Variants in SLC24A2 observed in about 807,000 individuals in gnomAD.
SLC24A2 encodes sodium/potassium/calcium exchanger 2.
Under a neutral mutation model 62.0 loss-of-function variants are expected in SLC24A2, and 36 were observed. That is an observed-to-expected ratio of 0.58 (90% CI 0.44 to 0.77). The LOEUF is 0.77. Ranked by LOEUF, SLC24A2 falls within the 30% of genes least tolerant of loss-of-function variation. The pLI is 0.00. For synonymous variants in SLC24A2, 358 were observed against 294.0 expected (o/e 1.22, Z -2.23); for missense variants, 846 against 817.9 (o/e 1.03, Z -0.42).
At chr9:19,610,123 G>A (rs1014968523) in intron 4 of SLC24A2, among the ~76,000 whole-genome samples, 1 of 152,116 alleles carries the variant, frequency 6.6e-6, no homozygotes, top group African/African-American at 2.4e-5. Context: ...TTCTTAAGGT[G>A]TCTAGTGCAT....
chr9:20,018,690 G>A, the SLC24A2 span, among the ~76,000 whole-genome samples: 1 of 152,024 alleles, frequency 6.6e-6, no homozygotes. Context: ...CTACACACCA[G>A]GCACTATGTA....
chr9:19,569,341 G>C (rs185062941), intron 7 of SLC24A2, among the ~76,000 whole-genome samples: 1 of 152,132 alleles, frequency 6.6e-6, no homozygotes, highest in Non-Finnish European at 1.5e-5. Context: ...ACCTCCCTTT[G>C]TCTAGTAATT....
the SLC24A2 span, among the ~76,000 whole-genome samples, chr9:20,132,513 ATTATAAG>A: frequency 6.6e-6 from 1 of 152,260 alleles, no homozygotes; most frequent in African/African-American, 2.4e-5. Flanking sequence ...CATGGGTCAC[ATTATAAG>A]TGTTTTAACC....
At chr9:20,051,966 C>G in the SLC24A2 span, among the ~76,000 whole-genome samples, 1 of 151,976 alleles carries the variant, frequency 6.6e-6, no homozygotes, top group Admixed American at 6.6e-5. Flanking sequence ...ATAATTGTTT[C>G]TAGCTCGCAG....
At chr9:20,173,931 A>G in the SLC24A2 span, among the ~76,000 whole-genome samples, 2 of 152,084 alleles carry the variant, frequency 1.3e-5, no homozygotes, top group Admixed American at 6.6e-5. Context: ...GAGGCATCAC[A>G]TTATGTAATT....
chr9:19,921,214 A>T, the SLC24A2 span, among the ~76,000 whole-genome samples: 4 of 151,926 alleles, frequency 2.6e-5, no homozygotes, highest in Non-Finnish European at 5.9e-5. Flanking sequence ...TAGTTTTACT[A>T]TCTTCACTAA....
intron 2 of SLC24A2, among the ~76,000 whole-genome samples, chr9:19,653,693 T>C (rs963867339): frequency 6.6e-6 from 1 of 152,224 alleles, no homozygotes; most frequent in Admixed American, 6.5e-5. Flanking sequence ...GTCATTCATC[T>C]ATCATCTTTG....
the SLC24A2 span, among the ~76,000 whole-genome samples, chr9:20,117,542 T>C: frequency 1.3e-5 from 2 of 152,124 alleles, no homozygotes; most frequent in Admixed American, 1.3e-4. Context: ...GTGTCTAATA[T>C]AAATGCTTTT....
the SLC24A2 span, among the ~76,000 whole-genome samples, chr9:20,174,131 T>C: frequency 2.0e-5 from 3 of 151,986 alleles, no homozygotes; most frequent in Non-Finnish European, 2.9e-5. Flanking sequence ...TGATGCTGGA[T>C]AATTGGCAAG....
chr9:20,063,387 C>T, the SLC24A2 span, among the ~76,000 whole-genome samples: 1 of 149,820 alleles, frequency 6.7e-6, no homozygotes, highest in South Asian at 2.1e-4. Context: ...TAAACTATTG[C>T]AAGAACAAAA....
At chr9:20,037,474 T>C in the SLC24A2 span, among the ~76,000 whole-genome samples, 5 of 152,312 alleles carry the variant, frequency 3.3e-5, no homozygotes, top group East Asian at 7.7e-4. Flanking sequence ...AACTCAGCTA[T>C]TGTGAATAGT....
the SLC24A2 span, among the ~76,000 whole-genome samples, chr9:20,204,406 T>G: frequency 6.6e-6 from 1 of 152,240 alleles, no homozygotes; most frequent in Non-Finnish European, 1.5e-5. Flanking sequence ...CTATTTTGCT[T>G]GCATTTGTCC....
chr9:20,283,507 G>C, the SLC24A2 span, among the ~76,000 whole-genome samples: 20 of 152,292 alleles, frequency 1.3e-4, no homozygotes, highest in East Asian at 3.9e-3. Context: ...AGCAGTGGAA[G>C]AGACTCGAAT....
the SLC24A2 span, among the ~76,000 whole-genome samples, chr9:20,099,757 T>C: frequency 6.6e-6 from 1 of 152,202 alleles, no homozygotes; most frequent in Non-Finnish European, 1.5e-5. Flanking sequence ...GGTACCTCAA[T>C]TCTATAACTT....
chr9:19,909,772 T>C, the SLC24A2 span, among the ~76,000 whole-genome samples: 2 of 152,192 alleles, frequency 1.3e-5, no homozygotes, highest in African/African-American at 4.8e-5. Flanking sequence ...CCTTCCTGCA[T>C]CTGTTGATTT....
chr9:19,798,396 G>A, the SLC24A2 span, among the ~76,000 whole-genome samples: 1 of 152,024 alleles, frequency 6.6e-6, no homozygotes, highest in Non-Finnish European at 1.5e-5. Context: ...GTCCTTTACT[G>A]AATAAGTTGC....
At chr9:20,222,765 G>T in the SLC24A2 span, among the ~76,000 whole-genome samples, 1 of 152,028 alleles carries the variant, frequency 6.6e-6, no homozygotes, top group Non-Finnish European at 1.5e-5. Context: ...GATGAAATGT[G>T]ATATTTGTCA....
At chr9:19,613,608 G>A (rs1363962150) in intron 4 of SLC24A2, among the ~76,000 whole-genome samples, 1 of 152,054 alleles carries the variant, frequency 6.6e-6, no homozygotes, top group African/African-American at 2.4e-5. Context: ...GGCAAAAGAG[G>A]TTCTTTAAGT....
At chr9:20,256,535 T>C in the SLC24A2 span, among the ~76,000 whole-genome samples, 58 of 152,282 alleles carry the variant, frequency 3.8e-4, no homozygotes, top group African/African-American at 1.3e-3. Context: ...CTATGTTGTG[T>C]TTCCTGCCCT....
Sources: allele counts gnomAD v4.1 joint callset (sites outside exome capture counted in the v4.1 genomes callset), GRCh38; gene constraint gnomAD v4.1.1; transcripts MANE v1.5; gene names NCBI Gene and HGNC (gene_info 2026-07-23, HGNC 2026-07-21).